Variants in CPNE4 observed in about 807,000 individuals in gnomAD.
CPNE4 encodes copine 4.
In CPNE4, 25 loss-of-function variants were observed where a neutral mutation model predicts 67.9. The observed-to-expected ratio is 0.37, with a 90% CI of 0.27 to 0.51. The LOEUF is 0.51. CPNE4 is among the 20% of genes least tolerant of loss of function. CPNE4 has a pLI of 0.93. For missense variants in CPNE4, 464 were observed against 690.8 expected (o/e 0.67, Z 3.68); for synonymous variants, 242 against 244.9 (o/e 0.99, Z 0.11).
intron 4 of CPNE4, among the ~76,000 whole-genome samples, chr3:131,698,233 C>CAACAAAAA (rs2081203594): frequency 1.6e-5 from 1 of 64,450 alleles, no homozygotes; most frequent in Non-Finnish European, 2.6e-5. Flanking sequence ...GGCTCTGTCT[C>CAACAAAAA]AAAAAAAAAA....
At chr3:131,830,083 G>A (rs190472662) in intron 2 of CPNE4, among the ~76,000 whole-genome samples, 35 of 152,214 alleles carry the variant, frequency 2.3e-4, no homozygotes, top group Middle Eastern at 6.8e-3. Context: ...TTAGAAGATT[G>A]CATTAAAATC....
intron 7 of CPNE4, among the ~76,000 whole-genome samples, chr3:131,606,614 G>C (rs990770595): frequency 2.0e-5 from 3 of 152,130 alleles, no homozygotes; most frequent in African/African-American, 7.2e-5. Context: ...TGAATGTCTA[G>C]TTTATCCTTG....
rs147419580 is a variant in CPNE4, at chr3:131,962,408, G to T, written c.-1-56964C>A. ...GTATTTGAACTTCTCTCAAGGCCCA[G>T]TTCACATGCAATGCACCACCACCAC... is the stretch of plus-strand genomic sequence containing the variant. On this transcript the variant is annotated intron_variant, in intron 1 of 15. Transcript: ENST00000429747. Among the ~76,000 whole-genome samples, 389 of 152,258 alleles carry T rather than the reference G, an allele frequency of 2.6e-3. 1 individual carries two copies. The highest frequency in any genetic ancestry group is 0.01 in the Middle Eastern group (3 of 294).
intron 1 of CPNE4, among the ~76,000 whole-genome samples, chr3:132,024,621 C>T (rs1024649721): frequency 1.3e-5 from 2 of 152,158 alleles, no homozygotes; most frequent in African/African-American, 4.8e-5. Flanking sequence ...AGCATGTCTT[C>T]CTTGCTGAAA....
At chr3:131,913,243 T>C (rs1321340514) in intron 1 of CPNE4, among the ~76,000 whole-genome samples, 3 of 152,246 alleles carry the variant, frequency 2.0e-5, no homozygotes, top group East Asian at 1.9e-4. Context: ...GCAGTCTCCA[T>C]AGATAAAAAC....
At chr3:131,955,410 GTTTTTTTT>G (rs766033406) in intron 1 of CPNE4, among the ~76,000 whole-genome samples, 1,386 of 42,312 alleles carry the variant, frequency 0.033, 40 homozygotes, top group African/African-American at 0.12. Context: ...TGTATGTAAG[GTTTTTTTT>G]TTTTTTTTTT....
chr3:131,822,586 T>TGTACCTATACAGGGAACCAAATGCC, intron 2 of CPNE4, among the ~76,000 whole-genome samples: 1 of 152,330 alleles, frequency 6.6e-6, no homozygotes, highest in Non-Finnish European at 1.5e-5. Context: ...GTCTAGCTTT[T>TGTACCTATACAGGGAACCAAATGCC]GTACCTATAC....
chr3:131,583,745 G>T (rs1022929708), intron 8 of CPNE4, among the ~76,000 whole-genome samples: 1 of 152,106 alleles, frequency 6.6e-6, no homozygotes, highest in African/African-American at 2.4e-5. Flanking sequence ...TAAATAGTTT[G>T]CATCTGTCTT....
At chr3:131,870,256 T>C (rs185814741) in intron 2 of CPNE4, among the ~76,000 whole-genome samples, 5 of 152,310 alleles carry the variant, frequency 3.3e-5, no homozygotes, top group Admixed American at 3.3e-4. Flanking sequence ...CACTCAGTTA[T>C]GAAATATTCA....
At chr3:132,010,648 G>A (rs892677723) in intron 1 of CPNE4, among the ~76,000 whole-genome samples, 4 of 152,120 alleles carry the variant, frequency 2.6e-5, no homozygotes, top group Admixed American at 2.0e-4. Context: ...AAAGATTGTC[G>A]ATACATGATA....
intron 3 of CPNE4, among the ~76,000 whole-genome samples, chr3:131,703,133 A>G (rs1241692122): frequency 6.6e-6 from 1 of 152,224 alleles, no homozygotes; most frequent in Non-Finnish European, 1.5e-5. Flanking sequence ...CCCACTTATC[A>G]TGTACACTTT....
intron 8 of CPNE4, among the ~76,000 whole-genome samples, chr3:131,587,214 G>T (rs1938237117): frequency 6.6e-6 from 1 of 152,124 alleles, no homozygotes; most frequent in African/African-American, 2.4e-5. Context: ...GGGCTACACA[G>T]GTAAAGGAAG....
intron 1 of CPNE4, among the ~76,000 whole-genome samples, chr3:131,944,440 G>T (rs978245360): frequency 4.6e-5 from 7 of 151,988 alleles, no homozygotes; most frequent in Admixed American, 4.6e-4. Context: ...AGGTCTTCCT[G>T]CCCACAGGTT....
At chr3:131,961,513 A>G (rs1366092383) in intron 1 of CPNE4, among the ~76,000 whole-genome samples, 1 of 152,204 alleles carries the variant, frequency 6.6e-6, no homozygotes, top group African/African-American at 2.4e-5. Flanking sequence ...GTGCTAAGAT[A>G]CAGCATTTTC....
chr3:131,829,937 T>C (rs1051123482), intron 2 of CPNE4, among the ~76,000 whole-genome samples: 3 of 152,170 alleles, frequency 2.0e-5, no homozygotes, highest in African/African-American at 7.2e-5. Flanking sequence ...AATACACACA[T>C]ACACAAACAC....
Position 131,980,790 on chromosome 3 carries a change from C to T in CPNE4, c.-2+53777G>A, listed in dbSNP as rs560800282. On this transcript the variant is annotated intron_variant, in intron 1 of 15. Coordinates refer to ENST00000429747, the MANE Select transcript of CPNE4 (RefSeq NM_130808.3). Reference sequence around the variant, plus strand: ...TGAGTCTTGTTTTGTCATATTACCACGGTTTTCTGGTTCCTTCTCATTTGG... The same window carrying T: ...TGAGTCTTGTTTTGTCATATTACCATGGTTTTCTGGTTCCTTCTCATTTGG... Among the ~76,000 whole-genome samples the T allele has an allele frequency of 7.2e-5, 11 of 152,062 alleles. No individual in the cohort carries two copies. In the South Asian group the frequency reaches 2.1e-3, roughly 29 times the overall value.
intron 6 of CPNE4, among the ~76,000 whole-genome samples, chr3:131,681,586 T>C (rs2080757070): frequency 1.3e-5 from 2 of 152,204 alleles, no homozygotes; most frequent in African/African-American, 4.8e-5. Flanking sequence ...GTTTGATTAT[T>C]AACTGTCTTG....
In CPNE4 at chr3:131,723,442, C is replaced by T. The variant is rs1326769040; in HGVS notation, c.360+4G>A. 2 of 1,611,222 alleles carry T rather than the reference C, an allele frequency of 1.2e-6. No individual in the cohort carries two copies. Among genetic ancestry groups the T allele is most frequent in the African/African-American group, 1.3e-5 (1 of 74,804 alleles). On this transcript the variant is annotated splice_donor_region_variant and intron_variant, in intron 3 of 15. Coordinates refer to ENST00000429747, the MANE Select transcript of CPNE4 (RefSeq NM_130808.3). ...GGAGGAGGAAGGGATGTCTGTTGAC[C>T]CACCTGGCCAAGTGTGCACTCCATG...
chr3:131,743,585 G>T (rs1004272260), intron 2 of CPNE4, among the ~76,000 whole-genome samples: 1 of 152,120 alleles, frequency 6.6e-6, no homozygotes, highest in African/African-American at 2.4e-5. Flanking sequence ...GTTTATTCCA[G>T]TGATGCAAAG....
Sources: gnomAD v4.1 joint callset for allele counts (sites outside exome capture counted in the v4.1 genomes callset) on GRCh38, gnomAD v4.1.1 for gene constraint, MANE v1.5 for transcripts, NCBI Gene and HGNC (gene_info 2026-07-23, HGNC 2026-07-21) for gene names.